SIPA1L1: variants seen among roughly 807,000 people sequenced by gnomAD.
The protein encoded by SIPA1L1 is signal induced proliferation associated 1 like 1, also known as signal-induced proliferation-associated 1-like protein 1.
Under a neutral mutation model 162.7 loss-of-function variants are expected in SIPA1L1, and 26 were observed. That is an observed-to-expected ratio of 0.16 (90% CI 0.12 to 0.22). SIPA1L1 has a LOEUF of 0.22. SIPA1L1 is among the 10% of genes least tolerant of loss of function. The pLI, the probability that SIPA1L1 is intolerant of heterozygous loss-of-function variation, is 1.00. For synonymous variants in SIPA1L1, 829 were observed against 837.4 expected (o/e 0.99, Z 0.17); for missense variants, 1,874 against 2,241.0 (o/e 0.84, Z 3.31).
chr14:71,503,504 T>A (rs995447977), intron 2 of SIPA1L1, among the ~76,000 whole-genome samples: 9 of 152,348 alleles, frequency 5.9e-5, no homozygotes, highest in African/African-American at 2.2e-4. Context: ...GTAAAACATT[T>A]AAAAATTTGT....
intron 2 of SIPA1L1, among the ~76,000 whole-genome samples, chr14:71,419,480 CTTTTTTTTTTTT>C (rs779874892): frequency 3.8e-4 from 32 of 85,248 alleles, no homozygotes; most frequent in African/African-American, 1.3e-3. Context: ...GAGGATCTCT[CTTTTTTTTTTTT>C]TTTTTTTTTT....
intron 2 of SIPA1L1, among the ~76,000 whole-genome samples, chr14:71,465,346 C>CAGT (rs2046914993): frequency 6.6e-6 from 1 of 152,202 alleles, no homozygotes; most frequent in African/African-American, 2.4e-5. Context: ...ATTTGAGGCT[C>CAGT]AGTATGTGCT....
At chr14:71,581,088 T>C (rs1257626064) in intron 4 of SIPA1L1, among the ~76,000 whole-genome samples, 1 of 152,140 alleles carries the variant, frequency 6.6e-6, no homozygotes, top group Non-Finnish European at 1.5e-5. Flanking sequence ...TTATGTTCAA[T>C]AGGATGCATG....
At chr14:71,635,044 G>A (rs1002583706) in intron 7 of SIPA1L1, among the ~76,000 whole-genome samples, 1 of 152,058 alleles carries the variant, frequency 6.6e-6, no homozygotes, top group African/African-American at 2.4e-5. Context: ...TTGAGAGGCC[G>A]AGGCGGGTGG....
chr14:71,558,557 G>T (rs1177176820), intron 4 of SIPA1L1, among the ~76,000 whole-genome samples: 1 of 152,170 alleles, frequency 6.6e-6, no homozygotes, highest in East Asian at 1.9e-4. Context: ...ATCAGAAATG[G>T]CGTGGAAGGC....
At chr14:71,562,071 G>A (rs1168239489) in intron 4 of SIPA1L1, among the ~76,000 whole-genome samples, 7 of 151,708 alleles carry the variant, frequency 4.6e-5, no homozygotes, top group Non-Finnish European at 1.0e-4. Flanking sequence ...TATTTTTTCT[G>A]AACAATTTGT....
At chr14:71,486,593 T>C (rs2048776747) in intron 2 of SIPA1L1, among the ~76,000 whole-genome samples, 1 of 152,212 alleles carries the variant, frequency 6.6e-6, no homozygotes, top group Non-Finnish European at 1.5e-5. Context: ...GAGTGGAAAC[T>C]GAGTTTGAAA....
chr14:71,651,199 T>C (rs118108498), intron 8 of SIPA1L1, among the ~76,000 whole-genome samples: 240 of 152,166 alleles, frequency 1.6e-3, no homozygotes, highest in Non-Finnish European at 2.5e-3. Context: ...AATCAAAGAG[T>C]GTGTTGACTT....
At chr14:71,356,835 CAG>C (rs1336312280) in intron 2 of SIPA1L1, among the ~76,000 whole-genome samples, 1 of 150,990 alleles carries the variant, frequency 6.6e-6, no homozygotes, top group South Asian at 2.1e-4. Flanking sequence ...AAGCCAAAGA[CAG>C]AGAAATTCCA....
intron 7 of SIPA1L1, among the ~76,000 whole-genome samples, chr14:71,647,613 A>G (rs1403761987): frequency 6.6e-6 from 1 of 152,130 alleles, no homozygotes. Context: ...CTTCCTGTCT[A>G]CAGATTGCTT....
intron 5 of SIPA1L1, among the ~76,000 whole-genome samples, chr14:71,601,961 G>C (rs549955576): frequency 1.4e-5 from 2 of 144,806 alleles, no homozygotes; most frequent in East Asian, 4.0e-4. Flanking sequence ...TTTTTTTCTT[G>C]GTTATCCTAC....
At chr14:71,471,216 A>G (rs2142209536) in intron 2 of SIPA1L1, among the ~76,000 whole-genome samples, 1 of 152,150 alleles carries the variant, frequency 6.6e-6, no homozygotes, top group Non-Finnish European at 1.5e-5. Flanking sequence ...CATGCCTGTA[A>G]TCCCAGGACT....
chr14:71,531,218 T>C (rs1239506331), intron 4 of SIPA1L1, among the ~76,000 whole-genome samples: 1 of 152,170 alleles, frequency 6.6e-6, no homozygotes, highest in Non-Finnish European at 1.5e-5. Context: ...AATAGCTCTA[T>C]TCATTCTGTA....
intron 3 of SIPA1L1, among the ~76,000 whole-genome samples, chr14:71,513,684 G>C (rs2051402271): frequency 6.6e-6 from 1 of 152,030 alleles, no homozygotes; most frequent in African/African-American, 2.4e-5. Context: ...ATAGAAATGG[G>C]GTCTTGCTAT....
intron 4 of SIPA1L1, among the ~76,000 whole-genome samples, chr14:71,582,854 G>A (rs996613025): frequency 2.0e-5 from 3 of 152,114 alleles, no homozygotes; most frequent in East Asian, 1.9e-4. Flanking sequence ...AAAGTTTTAC[G>A]CTGATTCATA....
chr14:71,431,108 G>A lies in SIPA1L1; in HGVS notation c.-464-81635G>A, dbSNP rs185767627. The stretch of plus-strand genomic sequence containing the variant: ...CAGTTGATGAGATAATTAAATGCAC[G>A]ATATGCTTTTAGCATGTTAACTCCT... On this transcript the variant is annotated intron_variant, in intron 2 of 23. Coordinates refer to ENST00000381232, the MANE Select transcript of SIPA1L1 (RefSeq NM_001386936.1). 2.8e-3 allele frequency among the ~76,000 whole-genome samples: 420 copies of A among 152,270 alleles called. 1 individual carries two copies. Among genetic ancestry groups the A allele is most frequent in the African/African-American group, 9.2e-3 (381 of 41,548 alleles).
intron 4 of SIPA1L1, among the ~76,000 whole-genome samples, chr14:71,578,827 C>A (rs8008605): frequency 3.9e-5 from 6 of 152,184 alleles, no homozygotes; most frequent in Non-Finnish European, 4.4e-5. Context: ...AGCACTTTTA[C>A]CATCACTAGT....
intron 13 of SIPA1L1, among the ~76,000 whole-genome samples, chr14:71,687,595 C>G (rs1232280845): frequency 6.6e-6 from 1 of 152,208 alleles, no homozygotes; most frequent in East Asian, 1.9e-4. Context: ...AAGCTCCTTG[C>G]CAGTCATACT....
chr14:71,530,322 C>A (rs1417544443), intron 4 of SIPA1L1, among the ~76,000 whole-genome samples: 1 of 152,068 alleles, frequency 6.6e-6, no homozygotes, highest in Non-Finnish European at 1.5e-5. Context: ...TAAAATATAT[C>A]ACTTTCAGAT....
Sources: gnomAD v4.1 joint callset for allele counts (sites outside exome capture counted in the v4.1 genomes callset) on GRCh38, gnomAD v4.1.1 for gene constraint, MANE v1.5 for transcripts, NCBI Gene and HGNC (gene_info 2026-07-23, HGNC 2026-07-21) for gene names.